REPS2: variants seen among roughly 807,000 people sequenced by gnomAD.
REPS2 encodes the protein RALBP1 associated Eps domain containing 2, also known as ralBP1-associated Eps domain-containing protein 2.
In REPS2, 23 loss-of-function variants were observed where a neutral mutation model predicts 53.6. The observed-to-expected ratio is 0.43, with a 90% CI of 0.31 to 0.61. The LOEUF is 0.61. Ranked by LOEUF, REPS2 falls within the 20% of genes least tolerant of loss-of-function variation. The pLI is 0.11. For missense variants in REPS2, 446 were observed against 534.9 expected (o/e 0.83, Z 1.64); for synonymous variants, 238 against 218.6 (o/e 1.09, Z -0.78).
At chrX:17,140,931 C>T (rs930722566) in intron 17 of REPS2, among the ~76,000 whole-genome samples, 25 of 109,916 alleles carry the variant, frequency 2.3e-4, no homozygotes, top group Non-Finnish European at 4.6e-4. Context: ...CCACCACGCC[C>T]GGCCAACTTT....
At chrX:17,016,753 CTTTTTTCTTTTTTTTT>C (rs1206105924) in intron 2 of REPS2, among the ~76,000 whole-genome samples, 3 of 63,101 alleles carry the variant, frequency 4.8e-5, no homozygotes, top group Non-Finnish European at 8.5e-5. Context: ...AAATATTTTT[CTTTTTTCTTTTTTTTT>C]TTTTTTTTTT....
chrX:17,163,318 A>G, the REPS2 span, among the ~76,000 whole-genome samples: 1 of 111,835 alleles, frequency 8.9e-6, no homozygotes, highest in Non-Finnish European at 1.9e-5. Context: ...AAATTAAAAA[A>G]TGAAGAAAAA....
chrX:17,096,971 A>G (rs1218921395), intron 13 of REPS2, among the ~76,000 whole-genome samples: 1 of 112,031 alleles, frequency 8.9e-6, no homozygotes. Context: ...GACCAAAATT[A>G]ATGGGTTGCT....
chrX:17,018,602 CTTT>C (rs11295347), intron 2 of REPS2, among the ~76,000 whole-genome samples: 21 of 90,436 alleles, frequency 2.3e-4, no homozygotes, highest in Non-Finnish European at 1.9e-4. Context: ...TTCTTTCTTT[CTTT>C]TTTTTTTTTT....
chrX:17,172,545 C>A, the REPS2 span, among the ~76,000 whole-genome samples: 1 of 112,059 alleles, frequency 8.9e-6, no homozygotes, highest in East Asian at 2.8e-4. Context: ...AATTAAACTT[C>A]TTTTCTTTAT....
chrX:17,042,014 T>C (rs1602769462), intron 5 of REPS2, among the ~76,000 whole-genome samples: 2 of 112,416 alleles, frequency 1.8e-5, no homozygotes, highest in South Asian at 7.4e-4. Context: ...CCATGCCAAA[T>C]ATTTGCATTT....
intron 14 of REPS2, among the ~76,000 whole-genome samples, chrX:17,120,466 ATGATTAAATGAG>A (rs1441788807): frequency 8.9e-6 from 1 of 111,901 alleles, no homozygotes; most frequent in Non-Finnish European, 1.9e-5. Context: ...TAGGGTTATG[ATGATTAAATGAG>A]TGAAGATCTC....
intron 16 of REPS2, chrX:17,138,646 A>T: frequency 7.0e-6 from 2 of 285,931 alleles, no homozygotes; most frequent in Non-Finnish European, 6.2e-6. Flanking sequence ...ATAAAATGGG[A>T]ATTACTTCAG....
intron 17 of REPS2, among the ~76,000 whole-genome samples, chrX:17,146,458 C>T (rs1422568567): frequency 2.7e-5 from 3 of 111,581 alleles, no homozygotes; most frequent in Non-Finnish European, 3.8e-5. Context: ...CTCCTTTCTC[C>T]CATATCCCCC....
intron 13 of REPS2, among the ~76,000 whole-genome samples, chrX:17,095,757 A>G (rs1055882964): frequency 9.0e-6 from 1 of 110,858 alleles, no homozygotes; most frequent in Non-Finnish European, 1.9e-5. Context: ...CTTTTCCTGA[A>G]GGGTAGGAAA....
At chrX:17,052,479 C>T (rs751193161) in intron 7 of REPS2, 34 bp downstream of exon 7, 10 of 1,066,012 alleles carry the variant, frequency 9.4e-6, no homozygotes. Context: ...ACATTCATAC[C>T]ATCATCCATA....
chrX:17,195,034 T>A, the REPS2 span, among the ~76,000 whole-genome samples: 1 of 112,454 alleles, frequency 8.9e-6, no homozygotes, highest in Non-Finnish European at 1.9e-5. Flanking sequence ...TATTTTTAGA[T>A]TGCAGGACAA....
intron 14 of REPS2, among the ~76,000 whole-genome samples, chrX:17,131,256 G>T (rs183505056): frequency 1.2e-4 from 13 of 111,802 alleles, no homozygotes; most frequent in African/African-American, 3.6e-4. Flanking sequence ...ACTACAGTTA[G>T]GAGATTGCAG....
At chrX:16,995,322 G>A (rs1033526121) in intron 1 of REPS2, among the ~76,000 whole-genome samples, 3 of 112,165 alleles carry the variant, frequency 2.7e-5, no homozygotes, top group African/African-American at 6.5e-5. Flanking sequence ...AATGGTATCT[G>A]TGTGAATCTA....
chrX:16,949,892 C>T (rs1168313768), intron 1 of REPS2, among the ~76,000 whole-genome samples: 1 of 110,350 alleles, frequency 9.1e-6, no homozygotes, highest in Non-Finnish European at 1.9e-5. Flanking sequence ...CTCATTATTC[C>T]CCAAAGTCTA....
intron 2 of REPS2, among the ~76,000 whole-genome samples, chrX:17,016,472 C>T (rs1425649296): frequency 1.8e-5 from 2 of 112,493 alleles, no homozygotes; most frequent in Non-Finnish European, 3.8e-5. Flanking sequence ...TGCAGAGGCA[C>T]GATCTCAGCT....
chrX:17,142,045 A>G (rs1040767397), intron 17 of REPS2, among the ~76,000 whole-genome samples: 8 of 112,288 alleles, frequency 7.1e-5, no homozygotes, highest in Non-Finnish European at 1.5e-4. Context: ...GGAATAGGAT[A>G]CAGAGTCCTG....
At chrX:16,978,902 T>C (rs2060987971) in intron 1 of REPS2, among the ~76,000 whole-genome samples, 1 of 111,548 alleles carries the variant, frequency 9.0e-6, no homozygotes, top group Non-Finnish European at 1.9e-5. Flanking sequence ...CTAGAAATTA[T>C]GGGGCATTTA....
At position 17,135,461 on chromosome X, in the gene REPS2, C is replaced by T. The variant is rs747951398; in HGVS notation, c.1808+55C>T. ...TAGGAATCTCGCTCTGAGATGTCGA[C>T]GGATATGTAAATGTGTTGACATTTA... On this transcript the variant is annotated intron_variant, in intron 16 of 17. Coordinates refer to ENST00000357277, the MANE Select transcript of REPS2 (RefSeq NM_004726.3). 120 of 1,135,718 alleles carry T rather than the reference C, an allele frequency of 1.1e-4. No individual in the cohort carries two copies. The African/African-American group carries it at 1.4e-3, about 13-fold the overall frequency. The allele number at this position is 1,135,718 out of a possible 1,213,427, so 93.6% of individuals were successfully genotyped here. A position where few individuals can be genotyped will look rare whatever the true frequency, so the allele number is the denominator to read the frequency against.
Sources: gnomAD v4.1 joint callset for allele counts (sites outside exome capture counted in the v4.1 genomes callset) on GRCh38, gnomAD v4.1.1 for gene constraint, MANE v1.5 for transcripts, NCBI Gene and HGNC (gene_info 2026-07-23, HGNC 2026-07-21) for gene names.